CCDC39: variants seen among roughly 807,000 people sequenced by gnomAD.
CCDC39 encodes the protein coiled-coil domain 39 molecular ruler complex subunit, also known as coiled-coil domain-containing protein 39.
CCDC39 carries 113 observed loss-of-function variants against 121.0 expected under a neutral mutation model. The observed-to-expected ratio is 0.93, with a 90% CI of 0.80 to 1.09. The LOEUF is 1.09. CCDC39 is among the 50% of genes least tolerant of loss of function. The pLI is 0.00. For missense variants in CCDC39, 1,063 were observed against 1,074.7 expected (o/e 0.99, Z 0.15); for synonymous variants, 349 against 352.2 (o/e 0.99, Z 0.10).
At chr3:180,617,905 C>A (rs77320124) in intron 16 of CCDC39, 11,931 of 155,376 alleles carry the variant, frequency 0.077, 711 homozygotes, top group African/African-American at 0.17. Context: ...ACCACTCACT[C>A]ACTCAGTCAC....
At chr3:180,618,158 T>TATG (rs1195859760) in intron 16 of CCDC39, among the ~76,000 whole-genome samples, 1 of 152,190 alleles carries the variant, frequency 6.6e-6, no homozygotes, top group South Asian at 2.1e-4. Flanking sequence ...AGTACACTCT[T>TATG]ATGATGTTCA....
intron 14 of CCDC39, among the ~76,000 whole-genome samples, chr3:180,626,884 GC>G (rs1285407679): frequency 6.6e-6 from 1 of 152,196 alleles, no homozygotes; most frequent in Admixed American, 6.5e-5. Context: ...TCAAGGCACA[GC>G]CCAGCGTTAA....
intron 1 of CCDC39, among the ~76,000 whole-genome samples, chr3:180,677,215 T>TATATAA (rs1203940702): frequency 3.6e-5 from 4 of 110,426 alleles, no homozygotes; most frequent in Admixed American, 9.4e-5. Flanking sequence ...TATATATATA[T>TATATAA]AAAATCACAG....
At chr3:180,638,756 T>C (rs1241013604) in intron 13 of CCDC39, among the ~76,000 whole-genome samples, 1 of 152,150 alleles carries the variant, frequency 6.6e-6, no homozygotes, top group Non-Finnish European at 1.5e-5. Context: ...TTAAAGTTTC[T>C]TTTAAATCTA....
intron 17 of CCDC39, 43 bp from the exon 18 acceptor site, chr3:180,616,738 C>A: frequency 6.4e-7 from 1 of 1,570,422 alleles, no homozygotes; most frequent in South Asian, 1.2e-5. Context: ...ACGTGTTTAC[C>A]AGAATTTAAT....
At chr3:180,664,516 T>C (rs1356439420) in intron 1 of CCDC39, among the ~76,000 whole-genome samples, 1 of 152,196 alleles carries the variant, frequency 6.6e-6, no homozygotes, top group East Asian at 1.9e-4. Context: ...TTAAATGTTA[T>C]AAAATAGTGT....
intron 13 of CCDC39, among the ~76,000 whole-genome samples, chr3:180,637,122 C>CT (rs1682195643): frequency 6.6e-6 from 1 of 152,074 alleles, no homozygotes; most frequent in South Asian, 2.1e-4. Context: ...GCAAAGTAAA[C>CT]TATCAACAGA....
chr3:180,647,996 T>G (rs571953282), intron 10 of CCDC39, among the ~76,000 whole-genome samples, 169 bp downstream of exon 10: 3 of 152,218 alleles, frequency 2.0e-5, no homozygotes, highest in African/African-American at 4.8e-5. Context: ...AAAATAGTTT[T>G]TAAGGCTCCC....
At chr3:180,658,607 A>AG (rs984747370) in intron 6 of CCDC39, among the ~76,000 whole-genome samples, 5 of 152,198 alleles carry the variant, frequency 3.3e-5, no homozygotes, top group South Asian at 4.1e-4. Context: ...AAAAAAAAAA[A>AG]AGAGAGAATT....
chr3:180,634,755 T>G (rs1401623884), intron 13 of CCDC39, among the ~76,000 whole-genome samples: 2 of 152,060 alleles, frequency 1.3e-5, no homozygotes, highest in Non-Finnish European at 2.9e-5. Flanking sequence ...TACTGACCAC[T>G]ACACCTAAGC....
In CCDC39 at chr3:180,659,757, G is replaced by A; in HGVS notation, c.529C>T (p.Gln177Ter). The A allele has an allele frequency of 6.2e-7, 1 of 1,608,332 alleles. No homozygotes were observed. Among genetic ancestry groups the A allele is most frequent in the East Asian group, 2.2e-5 (1 of 44,700 alleles). Residue 177 changes from glutamine to a stop codon, truncating the protein, a stop_gained, in exon 5 of 20, where the codon CAA (glutamine) becomes TAA (stop). Transcript: ENST00000476379. LOFTEE classifies it high-confidence loss of function. ...DDNKIRALTL[Q>*]LERLTLECNQ... ...CATTCCAAAGTTAGTCTTTCTAATTGCAGAGTCAGTGCCTATGATGTAATT... is the reference window on the plus strand; with the variant it reads ...CATTCCAAAGTTAGTCTTTCTAATTACAGAGTCAGTGCCTATGATGTAATT...
At position 180,644,054 on chromosome 3, in the gene CCDC39, C is replaced by A; in HGVS notation, c.1665+66G>T. 2 of 1,194,680 alleles carry A rather than the reference C, an allele frequency of 1.7e-6. 1 individual carries two copies. The highest frequency in any genetic ancestry group is 3.2e-5 in the South Asian group (2 of 62,378). The allele number at this position is 1,194,680 out of a possible 1,614,324, so 74.0% of individuals were successfully genotyped here. ...TTTTTCATAATTTGCTATATTTTTT[C>A]ATTTGTCTACAATTAACATGGAAAC... is the stretch of plus-strand genomic sequence containing the variant. On this transcript the variant is annotated intron_variant, in intron 12 of 19. Transcript: ENST00000476379.
intron 6 of CCDC39, among the ~76,000 whole-genome samples, chr3:180,656,291 C>T (rs1385281666): frequency 6.6e-6 from 1 of 152,186 alleles, no homozygotes; most frequent in East Asian, 1.9e-4. Flanking sequence ...TGCTATGCAT[C>T]ATAAAATTTT....
chr3:180,676,626 A>G (rs1485633891), intron 1 of CCDC39, among the ~76,000 whole-genome samples: 2 of 152,226 alleles, frequency 1.3e-5, no homozygotes, highest in African/African-American at 4.8e-5. Context: ...CATTTGACCC[A>G]GCCATCCCAT....
At chr3:180,647,672 AATTTTTAAAAACTAAGAATAT>A (rs548602160) in intron 10 of CCDC39, among the ~76,000 whole-genome samples, 1,608 of 152,278 alleles carry the variant, frequency 0.011, 14 homozygotes, top group Middle Eastern at 0.031. Context: ...TAACATCTGT[AATTTTTAAAAACTAAGAATAT>A]ATATTAGATG....
intron 14 of CCDC39, among the ~76,000 whole-genome samples, chr3:180,625,481 C>A (rs561103787): frequency 2.0e-5 from 3 of 151,202 alleles, no homozygotes; most frequent in Non-Finnish European, 4.4e-5. Flanking sequence ...TTGAATTTTT[C>A]ATCTGGCATT....
Position 180,659,718 on chromosome 3 carries a change from T to G in CCDC39, c.568A>C (p.Lys190Gln), listed in dbSNP as rs1216399182. The change falls in exon 5 of 20, where the codon AAG becomes CAG. Residue 190 changes from lysine to glutamine, a missense_variant. Physicochemically the swap from Lys to Gln is moderately conservative, Grantham distance 53. Transcript: ENST00000476379. ...TCTGTAAGTTCGTTGTCAAGTATCT[T>G]TCTTTTCTGATTACATTCCAAAGTT... ...RLTLECNQKR[K>Q]ILDNELTETI... is the part of the protein sequence containing the mutation. 1.2e-6 allele frequency: 2 copies of G among 1,612,700 alleles called. No individual in the cohort carries two copies. Among genetic ancestry groups the G allele is most frequent in the East Asian group, 2.2e-5 (1 of 44,756 alleles).
chr3:180,633,387 A>C (rs1266394405), intron 13 of CCDC39, among the ~76,000 whole-genome samples: 1 of 152,258 alleles, frequency 6.6e-6, no homozygotes, highest in Non-Finnish European at 1.5e-5. Context: ...ACCATCTAAA[A>C]GAGAAGAGGA....
chr3:180,647,125 T>C lies in CCDC39; in HGVS notation c.1481A>G (p.Lys494Arg). The change falls in exon 11 of 20, where the codon AAA becomes AGA. Residue 494 changes from lysine to arginine, a missense_variant. Physicochemically the swap from Lys to Arg is conservative, Grantham distance 26. Transcript: ENST00000476379. ...IVELRKSLEE[K>R]KSTCGLLETQ... ...TTCCAAAAGGCCACATGTAGATTTTTTCTCTTCCAAAGACTTCCTAAGTTC... is the reference window on the plus strand; with the variant it reads ...TTCCAAAAGGCCACATGTAGATTTTCTCTCTTCCAAAGACTTCCTAAGTTC... 1 of 1,609,888 alleles carries C rather than the reference T, an allele frequency of 6.2e-7. No individual in the cohort carries two copies. The highest frequency in any genetic ancestry group is 8.5e-7 in the Non-Finnish European group (1 of 1,178,660).
Sources: allele counts gnomAD v4.1 joint callset (sites outside exome capture counted in the v4.1 genomes callset), GRCh38; gene constraint gnomAD v4.1.1; transcripts MANE v1.5; gene names NCBI Gene and HGNC (gene_info 2026-07-23, HGNC 2026-07-21).